Variants in ERG observed in about 807,000 individuals in gnomAD.
ERG encodes transcriptional regulator ERG.
A neutral mutation model predicts 55.3 loss-of-function variants in ERG; 9 were observed. The ratio of observed to expected loss-of-function variants is 0.16; its 90% CI spans 0.10 to 0.28. The LOEUF (loss-of-function observed/expected upper bound fraction) is 0.28, where lower values mean the gene tolerates loss of function less well. ERG is among the 10% of genes least tolerant of loss of function. The pLI is 1.00. For synonymous variants in ERG, 223 were observed against 237.3 expected, an observed-to-expected ratio of 0.94 and a Z score of 0.55; for missense variants, 434 against 631.6, an observed-to-expected ratio of 0.69 and a Z score of 3.35.
At chr21:38,637,219 C>A (rs1012843244) in intron 1 of ERG, among the ~76,000 whole-genome samples, 2 of 151,928 alleles carry the variant, frequency 1.3e-5, no homozygotes, top group Non-Finnish European at 2.9e-5. Context: ...TGTGTGCATC[C>A]CATATGTGTG....
At chr21:38,437,161 T>C (rs1359018280) in intron 2 of ERG, among the ~76,000 whole-genome samples, 1 of 152,194 alleles carries the variant, frequency 6.6e-6, no homozygotes, top group Admixed American at 6.5e-5. Context: ...AGTGCTGGGA[T>C]TACAAGTGTG....
intron 2 of ERG, among the ~76,000 whole-genome samples, chr21:38,542,237 C>T (rs1161477325): frequency 6.6e-6 from 1 of 152,182 alleles, no homozygotes; most frequent in Non-Finnish European, 1.5e-5. Flanking sequence ...ATCCACCCGC[C>T]TCAGCCTCCC....
At chr21:38,459,839 C>A (rs1284628083) in intron 1 of ERG, among the ~76,000 whole-genome samples, 1 of 152,226 alleles carries the variant, frequency 6.6e-6, no homozygotes, top group Non-Finnish European at 1.5e-5. Context: ...AGACACCTAT[C>A]TGCATAAGGC....
intron 9 of ERG, among the ~76,000 whole-genome samples, chr21:38,386,516 C>G (rs1987697801): frequency 6.6e-6 from 1 of 152,162 alleles, no homozygotes; most frequent in African/African-American, 2.4e-5. Flanking sequence ...AGGAATTATT[C>G]TCAGTCATAA....
chr21:38,629,610 T>C (rs1404811225), intron 1 of ERG, among the ~76,000 whole-genome samples: 2 of 152,124 alleles, frequency 1.3e-5, no homozygotes, highest in African/African-American at 4.8e-5. Flanking sequence ...ATATCAAGTG[T>C]TGTTGAGGAT....
intron 2 of ERG, among the ~76,000 whole-genome samples, chr21:38,428,957 G>A (rs1989975447): frequency 6.6e-6 from 1 of 152,056 alleles, no homozygotes; most frequent in African/African-American, 2.4e-5. Flanking sequence ...TTCTTTAGTG[G>A]TGATTTCTGA....
chr21:38,544,875 C>T (rs964889469), intron 2 of ERG, among the ~76,000 whole-genome samples: 2 of 152,084 alleles, frequency 1.3e-5, no homozygotes, highest in Admixed American at 6.5e-5. Context: ...CCTTTATCAA[C>T]TCAGGGCTCT....
At chr21:38,658,913 C>T (rs1040096268) in intron 1 of ERG, among the ~76,000 whole-genome samples, 2 of 152,326 alleles carry the variant, frequency 1.3e-5, no homozygotes, top group African/African-American at 4.8e-5. Flanking sequence ...ATGGTAAATG[C>T]TAATTTTCTA....
intron 2 of ERG, among the ~76,000 whole-genome samples, chr21:38,509,414 A>C (rs781101174): frequency 3.3e-5 from 5 of 152,262 alleles, no homozygotes; most frequent in Non-Finnish European, 5.9e-5. Flanking sequence ...CATATTGGAT[A>C]GAGAGAAAAA....
In ERG at chr21:38,457,414, C is replaced by A. The variant is rs573199124; in HGVS notation, c.19-11793G>T. Among the ~76,000 whole-genome samples the A allele has an allele frequency of 1.1e-4, 16 of 145,462 alleles. No individual in the cohort carries two copies. The South Asian group carries it at 3.4e-3, about 31-fold the overall frequency. On this transcript the variant is annotated intron_variant, in intron 1 of 9. Coordinates refer to ENST00000288319, the MANE Select transcript of ERG (RefSeq NM_182918.4). ...TCATGCCACTGCACTCTGGCCTGGG[C>A]GAAAGAGCAAGACTCTGTCTCAAAA...
intron 1 of ERG, among the ~76,000 whole-genome samples, chr21:38,606,429 G>A (rs2060197620): frequency 6.6e-6 from 1 of 152,084 alleles, no homozygotes; most frequent in Admixed American, 6.5e-5. Context: ...TTACATTATA[G>A]AGAATTCACA....
rs557032523 is a variant in ERG at position 38,475,673 on chromosome 21, C to T, written c.18+22690G>A. ...TCTCTAAACTAGAGGTCCCGCCCCC[C>T]GGCCACCTGGCTCTATCATGTTCCC... On this transcript the variant is annotated intron_variant, in intron 1 of 9. Transcript: ENST00000288319. Among the ~76,000 whole-genome samples, 8 of 152,310 alleles carry T rather than the reference C, an allele frequency of 5.3e-5. No homozygotes were observed. The East Asian group carries it at 1.2e-3, about 22-fold the overall frequency.
At chr21:38,634,187 C>G (rs1265725417) in intron 1 of ERG, among the ~76,000 whole-genome samples, 2 of 152,160 alleles carry the variant, frequency 1.3e-5, no homozygotes, top group Non-Finnish European at 2.9e-5. Flanking sequence ...GTCAAATATT[C>G]ATTCATTTAT....
At chr21:38,423,177 C>G (rs1044316510) in intron 3 of ERG, among the ~76,000 whole-genome samples, 2 of 151,842 alleles carry the variant, frequency 1.3e-5, no homozygotes, top group African/African-American at 4.8e-5. Flanking sequence ...TGCTGTCTCA[C>G]ATATTTTTTA....
chr21:38,476,311 C>T (rs2059186591), intron 1 of ERG, among the ~76,000 whole-genome samples: 1 of 152,150 alleles, frequency 6.6e-6, no homozygotes, highest in African/African-American at 2.4e-5. Context: ...GGGCTGCAAT[C>T]GCCCCTACAC....
chr21:38,597,472 T>TACACACACACAC (rs3065420), intron 1 of ERG, among the ~76,000 whole-genome samples: 2,095 of 148,188 alleles, frequency 0.014, 31 homozygotes, highest in South Asian at 0.033. Flanking sequence ...TATATATATC[T>TACACACACACAC]ACACACACAC....
chr21:38,565,392 A>G (rs2059916879), intron 2 of ERG, among the ~76,000 whole-genome samples: 1 of 152,134 alleles, frequency 6.6e-6, no homozygotes, highest in African/African-American at 2.4e-5. Context: ...TGAACCTTCC[A>G]ATGGTTCTCC....
chr21:38,543,364 T>TTAA lies in ERG; in HGVS notation c.-41+32297_-41+32298insTTA, dbSNP rs1555856204. On this transcript the variant is annotated intron_variant, in intron 2 of 8. Transcript: ENST00000398897. ...ACATATGTATATGTGTGTTTTTTTTTAAAAAAAAAGCAATTCCACTGTAAT... is the reference window on the plus strand; with the variant it reads ...ACATATGTATATGTGTGTTTTTTTTTTAAAAAAAAAAAGCAATTCCACTGTAAT... Among the ~76,000 whole-genome samples, 1,397 of 149,018 alleles carry TTAA rather than the reference T, an allele frequency of 9.4e-3. 19 individuals carry two copies. The highest frequency in any genetic ancestry group is 0.063 in the East Asian group (320 of 5,110).
At position 38,645,833 on chromosome 21, in the gene ERG, T is replaced by G. The variant is rs75354666; in HGVS notation, c.-150+15825A>C. ...GCAAAAGGCACAGCTGGGCTCTGTA[T>G]AGCCGACTTGTTGATGTTTAATGCA... On this transcript the variant is annotated intron_variant, in intron 1 of 10. Coordinates refer to the ERG transcript ENST00000398910. Among the ~76,000 whole-genome samples the G allele has an allele frequency of 5.9e-5, 9 of 152,330 alleles. No individual in the cohort carries two copies. The East Asian group carries it at 1.7e-3, about 29-fold the overall frequency.
Sources: gnomAD v4.1 joint callset for allele counts (sites outside exome capture counted in the v4.1 genomes callset) on GRCh38, gnomAD v4.1.1 for gene constraint, MANE v1.5 for transcripts, NCBI Gene and HGNC (gene_info 2026-07-23, HGNC 2026-07-21) for gene names.